SOD2: variants seen among roughly 807,000 people sequenced by gnomAD.
The protein encoded by SOD2 is superoxide dismutase 2.
Under a neutral mutation model 27.0 loss-of-function variants are expected in SOD2, and 11 were observed. The observed-to-expected ratio is 0.41, with a 90% CI of 0.26 to 0.67. SOD2 has a LOEUF of 0.67. SOD2 is among the 30% of genes least tolerant of loss of function. The pLI is 0.34. For synonymous variants in SOD2, 105 were observed against 103.0 expected (o/e 1.02, Z -0.12); for missense variants, 250 against 274.5 (o/e 0.91, Z 0.63).
intron 1 of SOD2, among the ~76,000 whole-genome samples, chr6:159,709,462 G>A (rs972844279): frequency 1.3e-5 from 2 of 152,170 alleles, no homozygotes; most frequent in African/African-American, 4.8e-5. Flanking sequence ...CAACGGATAT[G>A]AACAGACACT....
At chr6:159,760,396 A>G (rs1780099035) in intron 1 of SOD2, 1 of 152,130 alleles carries the variant, frequency 6.6e-6, no homozygotes, top group South Asian at 2.1e-4. Context: ...CAGCCTCCCC[A>G]GTAGCTGGGA....
chr6:159,733,593 G>T (rs1255335179), intron 1 of SOD2, among the ~76,000 whole-genome samples: 1 of 150,914 alleles, frequency 6.6e-6, no homozygotes, highest in East Asian at 1.9e-4. Flanking sequence ...CTGCACTGTG[G>T]TCTAGGTGAC....
chr6:159,706,416 G>T (rs949770992), intron 1 of SOD2, among the ~76,000 whole-genome samples: 6 of 152,180 alleles, frequency 3.9e-5, no homozygotes, highest in African/African-American at 7.2e-5. Flanking sequence ...TAAAGGGATG[G>T]AGGAAGATCT....
upstream of SOD2, chr6:159,693,413 T>G (rs944939581): frequency 2.5e-5 from 4 of 162,982 alleles, no homozygotes; most frequent in African/African-American, 4.9e-5. Context: ...CGCCCGCGCT[T>G]GCCGTACACC....
intron 1 of SOD2, among the ~76,000 whole-genome samples, chr6:159,698,628 CAAGAA>C (rs1442278456): frequency 1.2e-5 from 1 of 81,430 alleles, no homozygotes. Context: ...AAAAAAAAAA[CAAGAA>C]AAGAAATCTG....
chr6:159,755,369 T>G lies in SOD2; in HGVS notation c.-336+5668A>C, dbSNP rs1430687013. On this transcript the variant is annotated intron_variant, in intron 1 of 7. Transcript: ENST00000546087. ...GAATGGTAATAAGTCCTCCAACAGC[T>G]CAGAGGAGAGAACTGGCAGAGGAGG... is the stretch of plus-strand genomic sequence containing the variant. 6 of 1,614,100 alleles carry G rather than the reference T, an allele frequency of 3.7e-6. No homozygotes were observed. In the East Asian group the frequency reaches 1.1e-4, roughly 30 times the overall value.
chr6:159,713,767 T>G, intron 1 of SOD2: 1 of 947,318 alleles, frequency 1.1e-6, no homozygotes, highest in Non-Finnish European at 1.7e-6. Context: ...TGTCCCATGG[T>G]TTCTCTGTCT....
intron 1 of SOD2, among the ~76,000 whole-genome samples, chr6:159,735,917 T>C (rs1468053146): frequency 2.0e-5 from 3 of 152,184 alleles, no homozygotes; most frequent in Non-Finnish European, 4.4e-5. Flanking sequence ...AGGATACTAC[T>C]TGAGGTCATT....
intron 1 of SOD2, among the ~76,000 whole-genome samples, chr6:159,740,786 C>T (rs963641567): frequency 1.3e-5 from 2 of 151,488 alleles, no homozygotes; most frequent in Non-Finnish European, 2.9e-5. Flanking sequence ...TCACTGCAAC[C>T]GCCGCCTCCC....
chr6:159,724,980 G>A (rs1778119683), intron 1 of SOD2, among the ~76,000 whole-genome samples: 2 of 151,906 alleles, frequency 1.3e-5, no homozygotes. Context: ...AGAAAGGAAA[G>A]GGAAGGAAGG....
intron 1 of SOD2, among the ~76,000 whole-genome samples, chr6:159,720,120 T>C (rs1370302658): frequency 1.3e-5 from 2 of 151,328 alleles, no homozygotes; most frequent in African/African-American, 2.4e-5. Flanking sequence ...AACCTCTGCC[T>C]CCCGGGTTCA....
At chr6:159,701,569 C>CAAAA (rs752905908) in intron 1 of SOD2, among the ~76,000 whole-genome samples, 1 of 78,044 alleles carries the variant, frequency 1.3e-5, no homozygotes. Flanking sequence ...GACCCTGTTT[C>CAAAA]AAAAAAAAAA....
At chr6:159,692,216 T>C (rs2114790747) in intron 2 of SOD2, 1 of 350,646 alleles carries the variant, frequency 2.9e-6, no homozygotes, top group East Asian at 4.5e-5. Context: ...TGGCCACCAG[T>C]GGACAGGCGC....
chr6:159,752,586 A>G (rs1450286103), intron 1 of SOD2, among the ~76,000 whole-genome samples: 1 of 152,200 alleles, frequency 6.6e-6, no homozygotes, highest in Non-Finnish European at 1.5e-5. Flanking sequence ...TGCGTGTTTG[A>G]ATTGTGATAC....
chr6:159,711,692 A>T (rs1479161781), intron 1 of SOD2, among the ~76,000 whole-genome samples: 3 of 107,608 alleles, frequency 2.8e-5, no homozygotes, highest in East Asian at 6.7e-4. Flanking sequence ...CCACCTCCAT[A>T]ACCACCACTC....
At chr6:159,720,847 C>CTTTTTTTTTTTTTT in intron 1 of SOD2, among the ~76,000 whole-genome samples, 1 of 59,946 alleles carries the variant, frequency 1.7e-5, no homozygotes, top group Non-Finnish European at 2.9e-5. Flanking sequence ...TTTTCTTTAC[C>CTTTTTTTTTTTTTT]TTTTTTTTTT....
chr6:159,753,457 C>T, intron 1 of SOD2: 4 of 1,614,138 alleles, frequency 2.5e-6, no homozygotes, highest in Non-Finnish European at 3.4e-6. Context: ...CTTTCCTTTG[C>T]AGCCAAACAG....
intron 1 of SOD2, among the ~76,000 whole-genome samples, chr6:159,756,575 T>C (rs1780014717): frequency 6.8e-6 from 1 of 146,592 alleles, no homozygotes; most frequent in African/African-American, 2.5e-5. Context: ...ATAAAGAAAA[T>C]AGTCATCTAT....
At chr6:159,731,434 C>G (rs1036733776), upstream of SOD2, among the ~76,000 whole-genome samples, 5 of 152,084 alleles carry the variant, frequency 3.3e-5, no homozygotes, top group African/African-American at 4.8e-5. Flanking sequence ...AGTCACTGCA[C>G]TCCAGCCTGG....
Sources: allele counts gnomAD v4.1 joint callset (sites outside exome capture counted in the v4.1 genomes callset), GRCh38; gene constraint gnomAD v4.1.1; transcripts MANE v1.5; gene names NCBI Gene and HGNC (gene_info 2026-07-23, HGNC 2026-07-21).